Variants in ADAM22 observed in about 807,000 individuals in gnomAD.
ADAM22 encodes disintegrin and metalloproteinase domain-containing protein 22.
Under a neutral mutation model 144.6 loss-of-function variants are expected in ADAM22, and 65 were observed. The ratio of observed to expected loss-of-function variants is 0.45; its 90% CI spans 0.37 to 0.55. The LOEUF (loss-of-function observed/expected upper bound fraction) is 0.55. Among genes scored for constraint, ADAM22 ranks in the 20% least tolerant of loss-of-function variants. The probability of loss-of-function intolerance (pLI) is 0.00; values close to 1 mark genes in which losing one functional copy is unlikely to be tolerated. For synonymous variants in ADAM22, 391 were observed against 412.6 expected, an observed-to-expected ratio of 0.95 and a Z score of 0.63; for missense variants, 974 against 1,184.9, an observed-to-expected ratio of 0.82 and a Z score of 2.61.
chr7:88,029,631 T>G (rs1262528950), intron 3 of ADAM22, among the ~76,000 whole-genome samples: 1 of 152,190 alleles, frequency 6.6e-6, no homozygotes, highest in African/African-American at 2.4e-5. Flanking sequence ...TGAATAACTT[T>G]GTTTAGTGTT....
intron 26 of ADAM22, among the ~76,000 whole-genome samples, chr7:88,174,560 G>A (rs553665944): frequency 3.3e-5 from 5 of 152,078 alleles, no homozygotes; most frequent in Non-Finnish European, 5.9e-5. Context: ...GAAGCTATAT[G>A]ACTTGTAATG....
At chr7:88,120,540 G>A (rs1262496189) in intron 7 of ADAM22, among the ~76,000 whole-genome samples, 1 of 152,108 alleles carries the variant, frequency 6.6e-6, no homozygotes, top group African/African-American at 2.4e-5. Context: ...TAGTGTATGT[G>A]GTGGTATCTC....
chr7:87,944,096 C>A (rs889519487), intron 2 of ADAM22, among the ~76,000 whole-genome samples: 1 of 151,768 alleles, frequency 6.6e-6, no homozygotes, highest in Non-Finnish European at 1.5e-5. Context: ...TGCCCCATGT[C>A]TCTAGCTTTT....
At chr7:87,964,752 G>A (rs1313452449) in intron 2 of ADAM22, 1 of 340,906 alleles carries the variant, frequency 2.9e-6, no homozygotes, top group Non-Finnish European at 5.7e-6. Context: ...CATGAATTGT[G>A]GATGGATTCT....
intron 5 of ADAM22, among the ~76,000 whole-genome samples, chr7:88,112,108 T>G (rs1352220946): frequency 6.6e-6 from 1 of 152,192 alleles, no homozygotes; most frequent in Non-Finnish European, 1.5e-5. Context: ...AGATACTCCC[T>G]GCCATATTTG....
chr7:87,943,703 G>T (rs999217346), intron 2 of ADAM22, among the ~76,000 whole-genome samples: 1 of 152,100 alleles, frequency 6.6e-6, no homozygotes, highest in African/African-American at 2.4e-5. Context: ...TTTGTACCAT[G>T]ATCCAGAAAT....
At chr7:88,152,870 G>A (rs527758867) in intron 20 of ADAM22, among the ~76,000 whole-genome samples, 36 of 152,056 alleles carry the variant, frequency 2.4e-4, no homozygotes, top group African/African-American at 7.7e-4. Context: ...TAGTAGAGAC[G>A]GGGTTTCACC....
intron 2 of ADAM22, among the ~76,000 whole-genome samples, chr7:87,952,354 G>A (rs1186012120): frequency 2.6e-5 from 4 of 150,976 alleles, no homozygotes; most frequent in Non-Finnish European, 5.9e-5. Flanking sequence ...AGCATGAAGG[G>A]CTGTTGAATT....
At chr7:87,962,432 A>G (rs1403829291) in intron 2 of ADAM22, among the ~76,000 whole-genome samples, 1 of 152,218 alleles carries the variant, frequency 6.6e-6, no homozygotes, top group Non-Finnish European at 1.5e-5. Context: ...GGAAGATGGT[A>G]TAGCTATAAG....
chr7:88,138,470 A>G (rs1586082093), intron 14 of ADAM22, among the ~76,000 whole-genome samples: 1 of 152,188 alleles, frequency 6.6e-6, no homozygotes. Context: ...AAACTATGGG[A>G]TATGACGCTA....
At chr7:88,119,571 CT>C (rs1828709675) in intron 7 of ADAM22, among the ~76,000 whole-genome samples, 1 of 152,180 alleles carries the variant, frequency 6.6e-6, no homozygotes, top group Non-Finnish European at 1.5e-5. Context: ...TCACTGCAGC[CT>C]CTGCCCCCTG....
At chr7:88,070,741 G>A (rs1441042644) in intron 3 of ADAM22, among the ~76,000 whole-genome samples, 2 of 152,100 alleles carry the variant, frequency 1.3e-5, no homozygotes, top group Non-Finnish European at 2.9e-5. Flanking sequence ...TTATGCATTA[G>A]ACATGTTGAA....
intron 2 of ADAM22, among the ~76,000 whole-genome samples, chr7:87,955,083 T>TCC (rs1325034625): frequency 1.3e-5 from 2 of 152,266 alleles, no homozygotes; most frequent in Non-Finnish European, 2.9e-5. Flanking sequence ...GATTTGAATT[T>TCC]CCTCCTATAG....
rs552237356 is a variant in ADAM22, at chr7:88,016,808, G to A, written c.323+38396G>A. Among the ~76,000 whole-genome samples the A allele has an allele frequency of 4.6e-5, 7 of 152,288 alleles. No homozygotes were observed. In the South Asian group the frequency reaches 1.2e-3, roughly 27 times the overall value. ...AGTGGGAAGGGAAGGATAAGGAGAG[G>A]TTGGTAAATGGATACAAAATTACAG... On this transcript the variant is annotated intron_variant, in intron 3 of 31. Transcript: ENST00000413139.
intron 3 of ADAM22, among the ~76,000 whole-genome samples, chr7:87,998,317 A>G (rs1422215290): frequency 6.6e-6 from 1 of 152,166 alleles, no homozygotes; most frequent in Admixed American, 6.5e-5. Flanking sequence ...AATCCAATCA[A>G]GTTGACACTC....
At chr7:87,950,133 GT>G (rs1348764025) in intron 2 of ADAM22, among the ~76,000 whole-genome samples, 1 of 151,668 alleles carries the variant, frequency 6.6e-6, no homozygotes, top group Non-Finnish European at 1.5e-5. Flanking sequence ...GCTTTGTAAT[GT>G]TTCTTTTTTT....
chr7:87,964,885 T>C (rs536329292), intron 2 of ADAM22, among the ~76,000 whole-genome samples: 1 of 152,316 alleles, frequency 6.6e-6, no homozygotes, highest in African/African-American at 2.4e-5. Context: ...TCATACTGAA[T>C]CACTGTTAAA....
At chr7:87,970,798 A>T (rs1850249261) in intron 2 of ADAM22, among the ~76,000 whole-genome samples, 1 of 152,150 alleles carries the variant, frequency 6.6e-6, no homozygotes, top group South Asian at 2.1e-4. Flanking sequence ...CAATCTGGGG[A>T]TTGTATCATG....
chr7:88,017,795 A>G (rs191722507), intron 3 of ADAM22, among the ~76,000 whole-genome samples: 534 of 151,836 alleles, frequency 3.5e-3, no homozygotes, highest in Middle Eastern at 6.8e-3. Flanking sequence ...ATATATATAT[A>G]TGTGTGTGTA....
Sources: gnomAD v4.1 joint callset for allele counts (sites outside exome capture counted in the v4.1 genomes callset) on GRCh38, gnomAD v4.1.1 for gene constraint, MANE v1.5 for transcripts, NCBI Gene and HGNC (gene_info 2026-07-23, HGNC 2026-07-21) for gene names.